SEMA3A: variants seen among roughly 807,000 people sequenced by gnomAD.
SEMA3A encodes semaphorin 3A.
SEMA3A carries 29 observed loss-of-function variants against 97.9 expected under a neutral mutation model. The observed-to-expected ratio is 0.30, with a 90% CI of 0.22 to 0.40. The LOEUF is 0.40. Ranked by LOEUF, SEMA3A falls within the 10% of genes least tolerant of loss-of-function variation. SEMA3A has a pLI of 1.00. For missense variants in SEMA3A, 763 were observed against 951.3 expected (o/e 0.80, Z 2.60); for synonymous variants, 321 against 323.7 (o/e 0.99, Z 0.09).
intron 1 of SEMA3A, among the ~76,000 whole-genome samples, chr7:84,415,836 G>C (rs1446509173): frequency 7.2e-6 from 1 of 139,310 alleles, no homozygotes; most frequent in Non-Finnish European, 1.6e-5. Flanking sequence ...CAGCGTTTTT[G>C]TATTTTTTTT....
intron 2 of SEMA3A, among the ~76,000 whole-genome samples, chr7:84,369,753 G>A (rs907760168): frequency 6.7e-6 from 1 of 148,788 alleles, no homozygotes; most frequent in African/African-American, 2.5e-5. Context: ...GAGGTGACAG[G>A]TATTAAATAT....
chr7:84,232,535 T>C (rs912803396), intron 3 of SEMA3A, among the ~76,000 whole-genome samples: 2 of 151,568 alleles, frequency 1.3e-5, no homozygotes, highest in Admixed American at 6.6e-5. Flanking sequence ...AACTGAAGAA[T>C]ATAACTATCC....
intron 2 of SEMA3A, among the ~76,000 whole-genome samples, chr7:84,332,195 C>T (rs1178988168): frequency 6.6e-6 from 1 of 152,028 alleles, no homozygotes; most frequent in Non-Finnish European, 1.5e-5. Flanking sequence ...TCAAGTGGCT[C>T]ATAGCAGATG....
chr7:83,979,979 TAAAC>T (rs1182930398), intron 14 of SEMA3A, among the ~76,000 whole-genome samples: 1 of 152,148 alleles, frequency 6.6e-6, no homozygotes, highest in Admixed American at 6.5e-5. Flanking sequence ...ATAGCTATAA[TAAAC>T]AATAAAGAAA....
intron 11 of SEMA3A, 140 bp downstream of exon 11, chr7:84,005,199 G>A (rs1790615329): frequency 3.1e-6 from 2 of 637,032 alleles, no homozygotes; most frequent in Middle Eastern, 4.3e-4. Context: ...TAAGTTTTGG[G>A]GAAATCAAAA....
chr7:84,478,819 A>T (rs954554330), intron 1 of SEMA3A, among the ~76,000 whole-genome samples: 1 of 152,060 alleles, frequency 6.6e-6, no homozygotes, highest in African/African-American at 2.4e-5. Context: ...TATGTCTGGA[A>T]TTAACAATAA....
chr7:84,436,880 T>C (rs949428613), intron 1 of SEMA3A, among the ~76,000 whole-genome samples: 4 of 152,130 alleles, frequency 2.6e-5, no homozygotes, highest in Non-Finnish European at 4.4e-5. Flanking sequence ...CCTGAAGGTG[T>C]AAACATTAAA....
At chr7:84,084,817 CT>C (rs1234573040) in intron 4 of SEMA3A, among the ~76,000 whole-genome samples, 1 of 152,010 alleles carries the variant, frequency 6.6e-6, no homozygotes, top group Non-Finnish European at 1.5e-5. Context: ...GGAATTTGAC[CT>C]TAATTTCCCA....
At chr7:84,065,058 T>G (rs1223914341) in intron 4 of SEMA3A, among the ~76,000 whole-genome samples, 1 of 149,528 alleles carries the variant, frequency 6.7e-6, no homozygotes. Flanking sequence ...ACAGAAATTA[T>G]AACAAACTAT....
intron 3 of SEMA3A, among the ~76,000 whole-genome samples, chr7:84,218,613 A>C (rs1222254147): frequency 6.6e-6 from 1 of 152,146 alleles, no homozygotes; most frequent in Non-Finnish European, 1.5e-5. Context: ...AATTTTTGCT[A>C]TTCAGTTGGC....
chr7:84,243,533 C>A (rs1438228749), intron 3 of SEMA3A, among the ~76,000 whole-genome samples: 2 of 152,012 alleles, frequency 1.3e-5, no homozygotes, highest in African/African-American at 2.4e-5. Flanking sequence ...TGATTCTTCT[C>A]TCTCTTCTTC....
At chr7:84,316,130 CAAA>C (rs202005657) in intron 2 of SEMA3A, among the ~76,000 whole-genome samples, 2,746 of 29,090 alleles carry the variant, frequency 0.094, 14 homozygotes, top group Non-Finnish European at 0.15. Context: ...GACTCTATCT[CAAA>C]AAAAAAAAAA....
chr7:84,011,641 A>C (rs1311833905), intron 7 of SEMA3A, among the ~76,000 whole-genome samples: 1 of 152,164 alleles, frequency 6.6e-6, no homozygotes, highest in Non-Finnish European at 1.5e-5. Flanking sequence ...AGCCTTAAGA[A>C]AAAGGAAATC....
chr7:83,986,376 G>C (rs745801653), intron 12 of SEMA3A, among the ~76,000 whole-genome samples: 3 of 152,130 alleles, frequency 2.0e-5, no homozygotes, highest in Non-Finnish European at 4.4e-5. Context: ...GTAATAACTA[G>C]GGAAGTAACA....
At chr7:84,425,146 A>G (rs1479291224) in intron 1 of SEMA3A, among the ~76,000 whole-genome samples, 1 of 110,780 alleles carries the variant, frequency 9.0e-6, no homozygotes, top group East Asian at 2.6e-4. Context: ...AATATTATAT[A>G]TATTTATATA....
At chr7:84,007,525 G>A in intron 9 of SEMA3A, 28 bp from the exon 10 acceptor site, 1 of 1,485,814 alleles carries the variant, frequency 6.7e-7, no homozygotes, top group Non-Finnish European at 9.0e-7. Flanking sequence ...AATAAAAACA[G>A]AAGTTCATCT....
At chr7:84,177,708 G>C (rs979395639) in intron 1 of SEMA3A, among the ~76,000 whole-genome samples, 4 of 152,052 alleles carry the variant, frequency 2.6e-5, no homozygotes, top group East Asian at 1.9e-4. Context: ...AGAGATGTAA[G>C]AAGAAACAGA....
chr7:84,135,466 G>A (rs1260236753), intron 1 of SEMA3A, among the ~76,000 whole-genome samples: 2 of 151,960 alleles, frequency 1.3e-5, no homozygotes, highest in Non-Finnish European at 2.9e-5. Context: ...TACTTAATAT[G>A]GTGCAGTCCT....
chr7:84,236,854 T>C lies in SEMA3A; in HGVS notation c.-82-42186A>G, dbSNP rs183037196. 3.9e-5 allele frequency among the ~76,000 whole-genome samples: 6 copies of C among 152,240 alleles called. No individual in the cohort carries two copies. The East Asian group carries it at 9.7e-4, about 25-fold the overall frequency. The stretch of plus-strand genomic sequence containing the variant: ...AGGTAGAAAATATTTCAGTTAATTC[T>C]ATATGTGAGTCACCTTCATGATTGT... On this transcript the variant is annotated intron_variant, in intron 3 of 3. Transcript: ENST00000424555.
Sources: allele counts gnomAD v4.1 joint callset (sites outside exome capture counted in the v4.1 genomes callset), GRCh38; gene constraint gnomAD v4.1.1; transcripts MANE v1.5; gene names NCBI Gene and HGNC (gene_info 2026-07-23, HGNC 2026-07-21).